SLC44A1: variants seen among roughly 807,000 people sequenced by gnomAD.
The protein encoded by SLC44A1 is solute carrier family 44 member 1.
In SLC44A1, 26 loss-of-function variants were observed where a neutral mutation model predicts 79.3. That is an observed-to-expected ratio of 0.33 (90% CI 0.24 to 0.46). SLC44A1 has a LOEUF of 0.46. Among genes scored for constraint, SLC44A1 ranks in the 20% least tolerant of loss-of-function variants. SLC44A1 has a pLI of 1.00. For missense variants in SLC44A1, 688 were observed against 798.1 expected, an observed-to-expected ratio of 0.86 and a Z score of 1.66; for synonymous variants, 263 against 286.2, an observed-to-expected ratio of 0.92 and a Z score of 0.82.
chr9:105,365,138 T>G (rs146926155), intron 10 of SLC44A1, among the ~76,000 whole-genome samples: 1 of 152,342 alleles, frequency 6.6e-6, no homozygotes, highest in Non-Finnish European at 1.5e-5. Context: ...TAATTTTCTA[T>G]TATAATTAGA....
intron 1 of SLC44A1, among the ~76,000 whole-genome samples, chr9:105,261,008 C>G (rs1290144547): frequency 6.6e-6 from 1 of 152,120 alleles, no homozygotes; most frequent in Non-Finnish European, 1.5e-5. Flanking sequence ...GGTGCTGATA[C>G]TTGTCAAGAT....
intron 1 of SLC44A1, among the ~76,000 whole-genome samples, chr9:105,279,317 C>CTTTT (rs35697234): frequency 3.0e-5 from 4 of 133,332 alleles, no homozygotes; most frequent in Non-Finnish European, 3.2e-5. Flanking sequence ...GAAAAGAAAA[C>CTTTT]TTTTTTTTTT....
intron 1 of SLC44A1, among the ~76,000 whole-genome samples, chr9:105,287,515 G>A (rs185689863): frequency 6.6e-6 from 1 of 152,204 alleles, no homozygotes; most frequent in African/African-American, 2.4e-5. Context: ...ATGAATATTT[G>A]TGGGAACTCA....
At chr9:105,431,494 C>T (rs969443289) in intron 15 of SLC44A1, among the ~76,000 whole-genome samples, 14 of 152,224 alleles carry the variant, frequency 9.2e-5, no homozygotes, top group African/African-American at 3.4e-4. Context: ...ATTTCATTCT[C>T]TAACAAGTGC....
intron 1 of SLC44A1, among the ~76,000 whole-genome samples, chr9:105,279,207 A>AG (rs1283752392): frequency 6.6e-6 from 1 of 151,722 alleles, no homozygotes; most frequent in African/African-American, 2.4e-5. Flanking sequence ...AAAAAAAAAA[A>AG]GGTATTCAGT....
At chr9:105,334,829 T>C (rs187251338) in intron 3 of SLC44A1, among the ~76,000 whole-genome samples, 116 of 152,350 alleles carry the variant, frequency 7.6e-4, no homozygotes, top group African/African-American at 2.7e-3. Flanking sequence ...GTAAAGGGTA[T>C]AATTTCAGAT....
At chr9:105,419,937 A>G (rs1392269494) in intron 15 of SLC44A1, among the ~76,000 whole-genome samples, 1 of 151,096 alleles carries the variant, frequency 6.6e-6, no homozygotes, top group Non-Finnish European at 1.5e-5. Flanking sequence ...AAAAAAAAAA[A>G]GAAGGCAATA....
chr9:105,424,643 G>T (rs955231435), intron 15 of SLC44A1, among the ~76,000 whole-genome samples: 5 of 152,086 alleles, frequency 3.3e-5, no homozygotes, highest in African/African-American at 1.2e-4. Flanking sequence ...TATTTTAAAA[G>T]ATAAGCAAAA....
In SLC44A1 at chr9:105,389,809, T is replaced by C. The variant is rs565784380; in HGVS notation, c.*753T>C. The C allele has an allele frequency of 2.0e-4, 280 of 1,377,538 alleles. 5 individuals carry two copies. The South Asian group carries it at 5.0e-3, about 25-fold the overall frequency. The allele number at this position is 1,377,538 out of a possible 1,614,324, so 85.3% of individuals were successfully genotyped here. A position where few individuals can be genotyped will look rare whatever the true frequency, so the allele number is the denominator to read the frequency against. Reference sequence around the variant, plus strand: ...TTTGTCTTTCTTTCCTTTTTGACTTTAGTAGCATCCTCCACACATTTGTGT... The same window carrying C: ...TTTGTCTTTCTTTCCTTTTTGACTTCAGTAGCATCCTCCACACATTTGTGT... On this transcript the variant is annotated 3_prime_UTR_variant, in exon 16 of 16. Transcript: ENST00000374720.
chr9:105,276,641 G>T (rs541361759), intron 1 of SLC44A1, among the ~76,000 whole-genome samples: 13 of 144,906 alleles, frequency 9.0e-5, no homozygotes, highest in African/African-American at 3.3e-4. Context: ...GTTTACAATA[G>T]GGTTGTCACG....
At chr9:105,404,184 A>T (rs1480929078) in intron 15 of SLC44A1, among the ~76,000 whole-genome samples, 1 of 149,356 alleles carries the variant, frequency 6.7e-6, no homozygotes, top group African/African-American at 2.5e-5. Flanking sequence ...GCAGTGAGCT[A>T]AGATTGTGCC....
At chr9:105,245,644 A>G (rs533903830) in intron 1 of SLC44A1, among the ~76,000 whole-genome samples, 9 of 152,022 alleles carry the variant, frequency 5.9e-5, no homozygotes, top group Non-Finnish European at 1.3e-4. Context: ...CGCTACGGAA[A>G]CTCCCTCTTT....
chr9:105,377,724 C>T (rs7031117), intron 13 of SLC44A1, among the ~76,000 whole-genome samples: 19,145 of 151,012 alleles, frequency 0.13, 2,359 homozygotes, highest in African/African-American at 0.33. Context: ...ATTGCACCAC[C>T]GCACTCCAGC....
chr9:105,366,353 C>T lies in SLC44A1; in HGVS notation c.1418C>T (p.Ala473Val), dbSNP rs771503286. 6.7e-7 allele frequency: 1 copy of T among 1,487,514 alleles called. No individual in the cohort carries two copies. The highest frequency in any genetic ancestry group is 1.5e-5 in the South Asian group (1 of 67,348). 92.1% of individuals were successfully genotyped at this position (1,487,514 alleles called of 1,614,324 possible). Residue 473 changes from alanine to valine, a missense_variant, in exon 12 of 16, where the codon GCT (alanine) becomes GTT (valine). Ala to Val is a moderately conservative substitution (Grantham distance 64). Transcript: ENST00000374720. The part of the protein sequence containing the change: ...IHSQLKGKEN[A>V]CARCVLKSCI... ...CATTTTTCCCCCATCCAGGAAAATG[C>T]TTGTGCACGATGTGTGCTGAAATCT...
At chr9:105,417,189 A>G (rs534315751) in intron 15 of SLC44A1, among the ~76,000 whole-genome samples, 71 of 152,198 alleles carry the variant, frequency 4.7e-4, no homozygotes, top group Admixed American at 9.2e-4. Flanking sequence ...ACTGGGGCCA[A>G]ACACTGAGCA....
At chr9:105,338,158 A>G (rs1826980727) in intron 4 of SLC44A1, among the ~76,000 whole-genome samples, 1 of 152,182 alleles carries the variant, frequency 6.6e-6, no homozygotes, top group African/African-American at 2.4e-5. Flanking sequence ...TTTAACAGGC[A>G]AATAGAAAAG....
At chr9:105,316,692 C>T (rs1831336252) in intron 3 of SLC44A1, among the ~76,000 whole-genome samples, 1 of 152,142 alleles carries the variant, frequency 6.6e-6, no homozygotes, top group South Asian at 2.1e-4. Flanking sequence ...GATGAAATGT[C>T]ATGTAAAAGT....
chr9:105,328,048 C>G (rs187770745), intron 3 of SLC44A1, among the ~76,000 whole-genome samples: 1 of 152,316 alleles, frequency 6.6e-6, no homozygotes, highest in African/African-American at 2.4e-5. Flanking sequence ...TATCTTCTTC[C>G]TTACCTTCAC....
Position 105,388,875 on chromosome 9 carries a change from T to G in SLC44A1, c.1951-158T>G, listed in dbSNP as rs570028395. On this transcript the variant is annotated intron_variant, in intron 15 of 15. Coordinates refer to ENST00000374720, the MANE Select transcript of SLC44A1 (RefSeq NM_080546.5). ...CTGGATAAAGTGTGACTTTCAACAT[T>G]CATAAGAATTTCAGCTCCAGGAATT... 2.0e-5 allele frequency among the ~76,000 whole-genome samples: 3 copies of G among 152,272 alleles called. No individual in the cohort carries two copies. The East Asian group carries it at 5.8e-4, about 29-fold the overall frequency.
Sources: gnomAD v4.1 joint callset for allele counts (sites outside exome capture counted in the v4.1 genomes callset) on GRCh38, gnomAD v4.1.1 for gene constraint, MANE v1.5 for transcripts, NCBI Gene and HGNC (gene_info 2026-07-23, HGNC 2026-07-21) for gene names.